ANKRD36B: variants seen among roughly 807,000 people sequenced by gnomAD.
The protein encoded by ANKRD36B is ankyrin repeat domain 36B.
ANKRD36B carries 37 observed loss-of-function variants against 135.7 expected under a neutral mutation model. That is an observed-to-expected ratio of 0.27 (90% CI 0.21 to 0.36). The LOEUF (loss-of-function observed/expected upper bound fraction) is 0.36, where lower values mean the gene tolerates loss of function less well. ANKRD36B is among the 10% of genes least tolerant of loss of function. The pLI, the probability that ANKRD36B is intolerant of heterozygous loss-of-function variation, is 1.00. For synonymous variants in ANKRD36B, 179 were observed against 348.1 expected (o/e 0.51, Z 5.41); for missense variants, 549 against 1,037.1 (o/e 0.53, Z 6.46).
At chr2:97,563,431 TACAC>T (rs4069654) in intron 6 of ANKRD36B, among the ~76,000 whole-genome samples, 83,323 of 149,496 alleles carry the variant, frequency 0.56, 24,577 homozygotes, top group Non-Finnish European at 0.67. Context: ...GAGAAAAAAA[TACAC>T]ACACACACAC....
intron 6 of ANKRD36B, among the ~76,000 whole-genome samples, chr2:97,570,474 T>C (rs1302433248): frequency 6.6e-6 from 1 of 152,220 alleles, no homozygotes; most frequent in Non-Finnish European, 1.5e-5. Flanking sequence ...ATAAACAATG[T>C]GGTTGACTCT....
chr2:97,550,764 G>A (rs1405076972), intron 18 of ANKRD36B, among the ~76,000 whole-genome samples: 1 of 151,790 alleles, frequency 6.6e-6, no homozygotes, highest in Non-Finnish European at 1.5e-5. Context: ...AGTTCACTCA[G>A]GTTTCCTCAG....
At chr2:97,574,764 C>G (rs1050316369) in intron 6 of ANKRD36B, among the ~76,000 whole-genome samples, 77 of 152,076 alleles carry the variant, frequency 5.1e-4, no homozygotes, top group African/African-American at 1.8e-3. Context: ...TCAGTACAAA[C>G]TAAGTATTTC....
chr2:97,587,534 C>T (rs998338371), intron 1 of ANKRD36B, among the ~76,000 whole-genome samples: 1 of 152,104 alleles, frequency 6.6e-6, no homozygotes, highest in African/African-American at 2.4e-5. Context: ...TATGGATGCA[C>T]TGAAATTTAT....
At chr2:97,565,050 G>A (rs1313128757) in intron 6 of ANKRD36B, among the ~76,000 whole-genome samples, 2 of 151,596 alleles carry the variant, frequency 1.3e-5, no homozygotes, top group African/African-American at 4.8e-5. Context: ...TCCTTGAGTG[G>A]TGGTTTGTAG....
chr2:97,582,719 T>C (rs1198072719), intron 3 of ANKRD36B, among the ~76,000 whole-genome samples: 1 of 152,108 alleles, frequency 6.6e-6, no homozygotes, highest in African/African-American at 2.4e-5. Context: ...AGCGATTGTA[T>C]GTAAAGCAAG....
rs1165680755 is a variant in ANKRD36B, at chr2:97,572,326, G to C, written c.763+4053C>G. Among the ~76,000 whole-genome samples, 16 of 148,266 alleles carry C rather than the reference G, an allele frequency of 1.1e-4. No homozygotes were observed. In the Admixed American group the frequency reaches 1.1e-3, roughly 10 times the overall value. ...GAAACTTATATATAGATGGTTAAAGGTGTGGTAATCCAACTGACCAAATAT... is the reference window on the plus strand; with the variant it reads ...GAAACTTATATATAGATGGTTAAAGCTGTGGTAATCCAACTGACCAAATAT... On this transcript the variant is annotated intron_variant, in intron 6 of 43. Coordinates refer to ENST00000359901, the MANE Select transcript of ANKRD36B (RefSeq NM_001393939.1).
At chr2:97,533,036 G>C (rs1225751449) in intron 34 of ANKRD36B, among the ~76,000 whole-genome samples, 1 of 96,652 alleles carries the variant, frequency 1.0e-5, no homozygotes. Flanking sequence ...AGTACCTTTA[G>C]AACAGCACAT....
At position 97,545,705 on chromosome 2, in the gene ANKRD36B, T is replaced by C; in HGVS notation, c.1642A>G (p.Met548Val). The change falls in exon 24 of 44, where the codon ATG becomes GTG. Residue 548 changes from methionine (M) to valine (V), a missense_variant. Transcript: ENST00000359901. ...TGTTCATCCTTTGTTTCTGTGGCCA[T>C]ATTCGGAACAGAATCTTCCTTGTCA... ...TSDKEDSVPN[M>V]ATETKDEQIS... is the part of the protein sequence containing the mutation. 2 of 963,142 alleles carry C rather than the reference T, an allele frequency of 2.1e-6. 1 individual carries two copies. Among genetic ancestry groups the C allele is most frequent in the Non-Finnish European group, 3.1e-6 (2 of 635,832 alleles). The allele number at this position is 963,142 out of a possible 1,614,324, so 59.7% of individuals were successfully genotyped here. A position where few individuals can be genotyped will look rare whatever the true frequency, so the allele number is the denominator to read the frequency against.
At position 97,496,258 on chromosome 2, in the gene ANKRD36B, A is replaced by G. The variant is rs1384637591; in HGVS notation, c.*7-3403T>C. On this transcript the variant is annotated intron_variant, in intron 43 of 43. Coordinates refer to ENST00000359901, the MANE Select transcript of ANKRD36B (RefSeq NM_001393939.1). ...TTAGTAACATTCTTTAATTCTATGA[A>G]GTCTGACACAGGTGAGGAGGCTGCA... Among the ~76,000 whole-genome samples the G allele has an allele frequency of 3.7e-5, 4 of 106,854 alleles. 1 individual carries two copies. Among genetic ancestry groups the G allele is most frequent in the African/African-American group, 1.0e-4 (4 of 38,836 alleles). 70.1% of individuals were successfully genotyped at this position (106,854 alleles called of 152,430 possible).
At chr2:97,581,214 T>C (rs1186443015) in intron 3 of ANKRD36B, among the ~76,000 whole-genome samples, 7 of 149,618 alleles carry the variant, frequency 4.7e-5, no homozygotes, top group African/African-American at 1.5e-4. Flanking sequence ...GAAATGAGAG[T>C]TTCAGGGATA....
chr2:97,564,220 T>A (rs1467862815), intron 6 of ANKRD36B, among the ~76,000 whole-genome samples: 2 of 152,072 alleles, frequency 1.3e-5, no homozygotes, highest in African/African-American at 2.4e-5. Flanking sequence ...GTTTTAGTAG[T>A]ATAGAGAACC....
chr2:97,574,992 C>T (rs2082134289), intron 6 of ANKRD36B, among the ~76,000 whole-genome samples: 1 of 152,070 alleles, frequency 6.6e-6, no homozygotes, highest in Admixed American at 6.6e-5. Context: ...CAATAGCCCA[C>T]ATTACACCTC....
At chr2:97,581,656 C>A (rs1367858215) in intron 3 of ANKRD36B, among the ~76,000 whole-genome samples, 2 of 151,912 alleles carry the variant, frequency 1.3e-5, no homozygotes, top group African/African-American at 4.8e-5. Flanking sequence ...GTTTCCAATT[C>A]ATTCTTACCT....
intron 43 of ANKRD36B, among the ~76,000 whole-genome samples, chr2:97,496,787 TTGTG>T (rs1439074936): frequency 2.5e-5 from 2 of 80,174 alleles, no homozygotes; most frequent in South Asian, 2.3e-4. Context: ...GTGTGTGTGT[TTGTG>T]TGTGTGTATA....
At position 97,524,798 on chromosome 2, in the gene ANKRD36B, C is replaced by A. The variant is rs189535005; in HGVS notation, c.2266-1331G>T. 3 of 96,402 alleles carry A rather than the reference C, an allele frequency of 3.1e-5. No individual in the cohort carries two copies. In the East Asian group the frequency reaches 6.9e-4, roughly 22 times the overall value. The allele number at this position is 96,402 out of a possible 1,614,324, so 6.0% of individuals were successfully genotyped here. On this transcript the variant is annotated intron_variant, in intron 35 of 43. Transcript: ENST00000359901. Reference sequence around the variant, plus strand: ...GTGATGAATTTTAAAGTTTTTTTACCCTAATTTGTCTTGTTTGATCCACAT... The same window carrying A: ...GTGATGAATTTTAAAGTTTTTTTACACTAATTTGTCTTGTTTGATCCACAT...
chr2:97,549,776 A>C (rs1379680788), intron 18 of ANKRD36B, among the ~76,000 whole-genome samples, 162 bp from the exon 19 acceptor site: 1 of 151,966 alleles, frequency 6.6e-6, no homozygotes, highest in Admixed American at 6.6e-5. Flanking sequence ...ACAGAAATGC[A>C]CTGAGAAAAG....
chr2:97,496,802 C>T (rs2672985), intron 43 of ANKRD36B, among the ~76,000 whole-genome samples: 1,187 of 63,584 alleles, frequency 0.019, 114 homozygotes, highest in African/African-American at 0.056. Flanking sequence ...TGTGTGTATA[C>T]GTGTATGTGT....
At chr2:97,583,633 TTGTTGTTGTTG>T (rs2082764143) in intron 3 of ANKRD36B, among the ~76,000 whole-genome samples, 2 of 127,146 alleles carry the variant, frequency 1.6e-5, no homozygotes, top group Non-Finnish European at 3.3e-5. Flanking sequence ...TTTATTGTTG[TTGTTGTTGTTG>T]TGTTGTTGCT....
Sources: gnomAD v4.1 joint callset for allele counts (sites outside exome capture counted in the v4.1 genomes callset) on GRCh38, gnomAD v4.1.1 for gene constraint, MANE v1.5 for transcripts, NCBI Gene and HGNC (gene_info 2026-07-23, HGNC 2026-07-21) for gene names.